Variants in OXSR1 observed in about 807,000 individuals in gnomAD.
The protein encoded by OXSR1 is oxidative stress responsive kinase 1.
A neutral mutation model predicts 79.8 loss-of-function variants in OXSR1; 24 were observed. The observed-to-expected ratio is 0.30, with a 90% CI of 0.22 to 0.42. OXSR1 has a LOEUF of 0.42. OXSR1 is among the 10% of genes least tolerant of loss of function. OXSR1 has a pLI of 1.00. For synonymous variants in OXSR1, 226 were observed against 209.2 expected (o/e 1.08, Z -0.69); for missense variants, 430 against 618.4 (o/e 0.70, Z 3.23).
rs1701433544 is a variant in OXSR1, at chr3:38,165,740, C to T, written c.-137C>T. ...GGTGACCCCGCGCCCCGGCGCCGTC[C>T]GACCCGTGGCTGTTCCGAGACGATT... On this transcript the variant is annotated 5_prime_UTR_variant, in exon 1 of 18. Transcript: ENST00000311806. 6.8e-6 allele frequency: 5 copies of T among 739,098 alleles called. No homozygotes were observed. The highest frequency in any genetic ancestry group is 1.1e-5 in the Non-Finnish European group (5 of 464,472). 45.8% of individuals were successfully genotyped at this position (739,098 alleles called of 1,614,324 possible).
Position 38,165,897 on chromosome 3 carries a change from C to G in OXSR1, c.21C>G (p.Ala7=). 1 of 1,611,704 alleles carries G rather than the reference C, an allele frequency of 6.2e-7. No homozygotes were observed. Among genetic ancestry groups the G allele is most frequent in the Non-Finnish European group, 8.5e-7 (1 of 1,179,580 alleles). The change falls in exon 1 of 18, where the codon GCC becomes GCG. Residue 7 remains alanine, a synonymous_variant. Coordinates refer to ENST00000311806, the MANE Select transcript of OXSR1 (RefSeq NM_005109.3). MSEDSS[A]LPWSINRDDY... ...CCGTCATGTCCGAGGACTCGAGCGC[C>G]CTGCCCTGGTCCATCAACAGGGACG...
intron 1 of OXSR1, among the ~76,000 whole-genome samples, chr3:38,182,014 C>G (rs936950204): frequency 2.0e-5 from 3 of 152,168 alleles, no homozygotes; most frequent in African/African-American, 7.2e-5. Context: ...TGCCACTGCA[C>G]CTGGCTGAGA....
chr3:38,224,030 C>A, intron 7 of OXSR1, 117 bp downstream of exon 7: 1 of 599,578 alleles, frequency 1.7e-6, no homozygotes, highest in Non-Finnish European at 2.9e-6. Flanking sequence ...ATAAAATTGA[C>A]CATCATCTTT....
At chr3:38,223,538 G>C (rs1702630465) in intron 6 of OXSR1, among the ~76,000 whole-genome samples, 1 of 151,600 alleles carries the variant, frequency 6.6e-6, no homozygotes, top group Non-Finnish European at 1.5e-5. Flanking sequence ...TACCTCCTGG[G>C]TTCAAGCGAT....
intron 3 of OXSR1, among the ~76,000 whole-genome samples, chr3:38,194,656 G>A (rs2125817040): frequency 6.6e-6 from 1 of 152,334 alleles, no homozygotes; most frequent in Admixed American, 6.5e-5. Flanking sequence ...TGGAAACGGG[G>A]ATGGAGACAG....
intron 10 of OXSR1, among the ~76,000 whole-genome samples, chr3:38,236,097 A>G (rs1421296902): frequency 1.3e-5 from 2 of 152,188 alleles, no homozygotes; most frequent in Non-Finnish European, 2.9e-5. Flanking sequence ...CTACAGGGGA[A>G]ATAGAAGTGG....
intron 1 of OXSR1, among the ~76,000 whole-genome samples, chr3:38,177,823 A>G (rs1265708171): frequency 6.6e-6 from 1 of 151,990 alleles, no homozygotes; most frequent in Non-Finnish European, 1.5e-5. Context: ...CCTGGCCCCA[A>G]ATGATCCTCC....
rs1491132034 is a variant in OXSR1, at chr3:38,244,670, T to TGC, written c.1111-1402_1111-1401dup. On this transcript the variant is annotated intron_variant, in intron 12 of 17. Transcript: ENST00000311806. ...GTGTGTGTGTGTGTGTGTGTGTGCGTGCGCATGTACCACATTTTATTCATC... is the reference window on the plus strand; with the variant it reads ...GTGTGTGTGTGTGTGTGTGTGTGCGTGCGCGCATGTACCACATTTTATTCATC... 3.0e-3 allele frequency among the ~76,000 whole-genome samples: 454 copies of TGC among 149,718 alleles called. 5 individuals carry two copies. The highest frequency in any genetic ancestry group is 0.01 in the Middle Eastern group (3 of 290).
chr3:38,185,588 AAAAC>A (rs997252276), intron 2 of OXSR1, among the ~76,000 whole-genome samples: 5 of 152,080 alleles, frequency 3.3e-5, no homozygotes, highest in African/African-American at 1.2e-4. Flanking sequence ...TCTGTCTCAA[AAAAC>A]AAACAAGAAA....
intron 4 of OXSR1, among the ~76,000 whole-genome samples, chr3:38,208,638 C>G (rs759493714): frequency 6.6e-6 from 1 of 152,178 alleles, no homozygotes; most frequent in Admixed American, 6.5e-5. Context: ...CGCAGTGGCT[C>G]ACGCCTGTAA....
chr3:38,242,682 G>C (rs1325801077), intron 11 of OXSR1, 61 bp from the exon 12 acceptor site: 1 of 943,402 alleles, frequency 1.1e-6, no homozygotes, highest in Non-Finnish European at 1.6e-6. Flanking sequence ...TTGCAGTTTG[G>C]GACTGACTAC....
At chr3:38,220,756 A>G (rs1422669563) in intron 5 of OXSR1, among the ~76,000 whole-genome samples, 1 of 152,188 alleles carries the variant, frequency 6.6e-6, no homozygotes, top group East Asian at 1.9e-4. Context: ...TAGGAGACTA[A>G]TATAGGCCTA....
chr3:38,165,631 G>A lies in OXSR1; in HGVS notation c.-246G>A. ...CTGCTGCGGAGGCCGAGGACAGGACGTGGGCTGGGCCGGGCAGTGCCGGAC... is the reference window on the plus strand; with the variant it reads ...CTGCTGCGGAGGCCGAGGACAGGACATGGGCTGGGCCGGGCAGTGCCGGAC... On this transcript the variant is annotated 5_prime_UTR_variant, in exon 1 of 18. The change creates a new upstream start codon in the 5' untranslated region. Transcript: ENST00000311806. 4.0e-6 allele frequency: 2 copies of A among 500,556 alleles called. No individual in the cohort carries two copies. The highest frequency in any genetic ancestry group is 2.6e-5 in the South Asian group (1 of 37,902). 31.0% of individuals were successfully genotyped at this position (500,556 alleles called of 1,614,324 possible).
chr3:38,236,832 TG>T lies in OXSR1; in HGVS notation c.952-6del. The T allele has an allele frequency of 6.3e-7, 1 of 1,592,082 alleles. No homozygotes were observed. The highest frequency in any genetic ancestry group is 8.6e-7 in the Non-Finnish European group (1 of 1,168,872). On this transcript the variant is annotated splice_polypyrimidine_tract_variant and splice_region_variant and intron_variant, in intron 10 of 17. Coordinates refer to ENST00000311806, the MANE Select transcript of OXSR1 (RefSeq NM_005109.3). ...CACCATAACCCACTTCTCTTTCTAA[TG>T]AGCAGGTTCGGAGAGTACCAGGTTC...
intron 3 of OXSR1, chr3:38,193,277 A>C (rs995437351): frequency 1.6e-6 from 2 of 1,289,570 alleles, no homozygotes; most frequent in East Asian, 1.1e-4. Flanking sequence ...TTTCAATCCC[A>C]TTAGTGACAC....
intron 2 of OXSR1, among the ~76,000 whole-genome samples, chr3:38,184,482 T>C (rs1701843711): frequency 6.6e-6 from 1 of 152,218 alleles, no homozygotes; most frequent in South Asian, 2.1e-4. Flanking sequence ...AACTGCGAAC[T>C]AATTCTGTTA....
chr3:38,187,532 A>C (rs960836185), intron 2 of OXSR1, among the ~76,000 whole-genome samples: 4 of 152,184 alleles, frequency 2.6e-5, no homozygotes, highest in African/African-American at 7.2e-5. Context: ...AACTGACTAC[A>C]TTTAGGGAAT....
chr3:38,199,115 C>A (rs938706079), intron 4 of OXSR1, among the ~76,000 whole-genome samples: 4 of 152,164 alleles, frequency 2.6e-5, no homozygotes, highest in African/African-American at 7.2e-5. Context: ...TGGAATATCG[C>A]TTTCCATTTT....
intron 16 of OXSR1, 35 bp downstream of exon 16, chr3:38,251,506 GTC>G (rs1216686736): frequency 6.6e-7 from 1 of 1,508,732 alleles, no homozygotes; most frequent in East Asian, 2.3e-5. Context: ...GTGCTCCTGT[GTC>G]TCTGTCTGTA....
Sources: allele counts gnomAD v4.1 joint callset (sites outside exome capture counted in the v4.1 genomes callset), GRCh38; gene constraint gnomAD v4.1.1; transcripts MANE v1.5; gene names NCBI Gene and HGNC (gene_info 2026-07-23, HGNC 2026-07-21).